The following PDGFRL variants were observed in gnomAD, a reference collection of about 807,000 sequenced individuals.
PDGFRL encodes platelet-derived growth factor receptor-like protein.
A neutral mutation model predicts 37.2 loss-of-function variants in PDGFRL; 46 were observed. The observed-to-expected ratio is 1.24, with a 90% CI of 0.98 to 1.58. The LOEUF is 1.58. Ranked by LOEUF, PDGFRL falls within the 40% of genes most tolerant of loss-of-function variation. The probability of loss-of-function intolerance (pLI) is 0.00; values close to 1 mark genes in which losing one functional copy is unlikely to be tolerated. For missense variants in PDGFRL, 692 were observed against 467.6 expected (o/e 1.48, Z -4.43); for synonymous variants, 251 against 184.3 (o/e 1.36, Z -2.93).
upstream of PDGFRL, chr8:17,576,654 A>G (rs2150803634): frequency 1.1e-6 from 1 of 948,406 alleles, no homozygotes. Flanking sequence ...TTATTCCTGT[A>G]ATGAACCCGT....
intron 4 of PDGFRL, 69 bp from the exon 5 acceptor site, chr8:17,634,005 T>A (rs559958273): frequency 2.1e-6 from 3 of 1,433,450 alleles, no homozygotes. Context: ...TGGAAAAGAA[T>A]GCATCTGTAG....
intron 2 of PDGFRL, among the ~76,000 whole-genome samples, chr8:17,604,250 G>A (rs1585312281): frequency 6.6e-6 from 1 of 152,122 alleles, no homozygotes; most frequent in Non-Finnish European, 1.5e-5. Flanking sequence ...TACCCAAAGA[G>A]TTATAAATCA....
chr8:17,609,269 G>T (rs1804352304), intron 2 of PDGFRL, among the ~76,000 whole-genome samples: 1 of 151,946 alleles, frequency 6.6e-6, no homozygotes, highest in Non-Finnish European at 1.5e-5. Context: ...CACTTTGGGT[G>T]GCTGAGGCTG....
At position 17,590,905 on chromosome 8, in the gene PDGFRL, C is replaced by CGT. The variant is rs1180803026; in HGVS notation, c.353+1141_353+1142insTG. ...TATTATTAATTTTTTTTTTTTGAGA[C>CGT]GGAGTCTCGCTCTGTCCCACAGGTT... On this transcript the variant is annotated intron_variant, in intron 2 of 5. Coordinates refer to ENST00000251630, the MANE Select transcript of PDGFRL (RefSeq NM_001372073.1). Among the ~76,000 whole-genome samples the CGT allele has an allele frequency of 1.5e-4, 4 of 27,072 alleles. No individual in the cohort carries two copies. The East Asian group carries it at 6.5e-3, about 44-fold the overall frequency. 17.8% of individuals were successfully genotyped at this position (27,072 alleles called of 152,430 possible). A position where few individuals can be genotyped will look rare whatever the true frequency, so the allele number is the denominator to read the frequency against.
chr8:17,617,410 T>C (rs116073396), intron 2 of PDGFRL, among the ~76,000 whole-genome samples: 5,564 of 152,208 alleles, frequency 0.037, 186 homozygotes, highest in South Asian at 0.1. Flanking sequence ...GTTCAGCGGT[T>C]ACACAGAAAG....
upstream of PDGFRL, chr8:17,576,772 T>TG (rs1220183539): frequency 2.7e-6 from 2 of 737,338 alleles, no homozygotes; most frequent in Non-Finnish European, 3.3e-6. Context: ...TGAGTGCATG[T>TG]GGGGGAGAGA....
intron 1 of PDGFRL, among the ~76,000 whole-genome samples, chr8:17,577,734 C>T (rs1167971573): frequency 6.6e-6 from 1 of 151,642 alleles, no homozygotes; most frequent in Non-Finnish European, 1.5e-5. Flanking sequence ...TCGGCAATCG[C>T]TGATTCGGTT....
At chr8:17,624,447 A>G (rs1169035499) in intron 3 of PDGFRL, among the ~76,000 whole-genome samples, 1 of 152,208 alleles carries the variant, frequency 6.6e-6, no homozygotes, top group East Asian at 1.9e-4. Context: ...ACATATGTAA[A>G]GAAAAACATT....
intron 2 of PDGFRL, among the ~76,000 whole-genome samples, chr8:17,596,036 C>G (rs1289359738): frequency 3.3e-5 from 5 of 152,198 alleles, no homozygotes. Flanking sequence ...GGTGGGGCCT[C>G]CACAGACTCC....
intron 2 of PDGFRL, among the ~76,000 whole-genome samples, chr8:17,606,467 A>G (rs567695121): frequency 6.6e-6 from 1 of 152,268 alleles, no homozygotes; most frequent in East Asian, 1.9e-4. Context: ...CCACCCCCAA[A>G]CTCTAATACT....
chr8:17,639,789 GTTCT>G (rs1269838097), intron 5 of PDGFRL, among the ~76,000 whole-genome samples: 1 of 152,168 alleles, frequency 6.6e-6, no homozygotes, highest in East Asian at 1.9e-4. Context: ...TTTCTCAGGT[GTTCT>G]TTGAGCTTCT....
intron 5 of PDGFRL, among the ~76,000 whole-genome samples, chr8:17,637,969 AT>A (rs1805006355): frequency 4.6e-5 from 7 of 151,972 alleles, no homozygotes; most frequent in Admixed American, 6.6e-5. Flanking sequence ...AATTTTGTTA[AT>A]AGTCTATCAG....
chr8:17,639,250 C>T (rs547727914), intron 5 of PDGFRL, among the ~76,000 whole-genome samples: 1 of 152,164 alleles, frequency 6.6e-6, no homozygotes, highest in Non-Finnish European at 1.5e-5. Flanking sequence ...GCATTTAGGC[C>T]ATTTACATTC....
At chr8:17,597,271 T>C (rs1217760481) in intron 2 of PDGFRL, among the ~76,000 whole-genome samples, 1 of 152,248 alleles carries the variant, frequency 6.6e-6, no homozygotes, top group Non-Finnish European at 1.5e-5. Context: ...TCCGTCCACC[T>C]TGGCCTCTCA....
intron 1 of PDGFRL, among the ~76,000 whole-genome samples, chr8:17,585,940 TG>T (rs1339949213): frequency 6.6e-6 from 1 of 151,122 alleles, no homozygotes; most frequent in Admixed American, 6.6e-5. Flanking sequence ...ATAAGGGTTT[TG>T]GGGTTTTTGT....
chr8:17,640,544 T>G (rs745809205), intron 5 of PDGFRL, among the ~76,000 whole-genome samples: 7 of 152,108 alleles, frequency 4.6e-5, no homozygotes, highest in Non-Finnish European at 8.8e-5. Flanking sequence ...TGATTGTTAT[T>G]TCTCTTCTGT....
At chr8:17,587,441 T>C (rs945055310) in intron 1 of PDGFRL, among the ~76,000 whole-genome samples, 2 of 152,176 alleles carry the variant, frequency 1.3e-5, no homozygotes, top group Non-Finnish European at 2.9e-5. Flanking sequence ...ATACACAGAA[T>C]ACCAAATTAG....
rs781434598 is a variant in PDGFRL at position 17,589,588 on chromosome 8, A to C, written c.176A>C (p.Asn59Thr). The C allele has an allele frequency of 6.2e-7, 1 of 1,614,068 alleles. No homozygotes were observed. The highest frequency in any genetic ancestry group is 1.7e-5 in the Admixed American group (1 of 60,026). Residue 59 changes from asparagine to threonine, a missense_variant, in exon 2 of 6, where the codon AAT becomes ACT. Physicochemically the swap from Asn to Thr is moderately conservative, Grantham distance 65. Coordinates refer to ENST00000251630, the MANE Select transcript of PDGFRL (RefSeq NM_001372073.1). ...IPKMKDRDSANSAPKTQSIMM... is the reference protein window; with the variant it reads ...IPKMKDRDSATSAPKTQSIMM... ...AAAATGAAGGACAGGGACTCAGCCAATTCAGCACCAAAGACGCAGTCTATC... is the reference window on the plus strand; with the variant it reads ...AAAATGAAGGACAGGGACTCAGCCACTTCAGCACCAAAGACGCAGTCTATC...
At position 17,589,596 on chromosome 8, in the gene PDGFRL, C is replaced by G. The variant is rs761803349; in HGVS notation, c.184C>G (p.Pro62Ala). Residue 62 changes from proline (P) to alanine (A), a missense_variant, in exon 2 of 6, where the codon CCA becomes GCA. Coordinates refer to ENST00000251630, the MANE Select transcript of PDGFRL (RefSeq NM_001372073.1). Reference protein sequence around the residue: ...MKDRDSANSAPKTQSIMMQVL... With the variant: ...MKDRDSANSAAKTQSIMMQVL... Reference sequence around the variant, plus strand: ...GGACAGGGACTCAGCCAATTCAGCACCAAAGACGCAGTCTATCATGATGCA... The same window carrying G: ...GGACAGGGACTCAGCCAATTCAGCAGCAAAGACGCAGTCTATCATGATGCA... The G allele has an allele frequency of 1.9e-6, 3 of 1,613,960 alleles. No homozygotes were observed. The highest frequency in any genetic ancestry group is 1.1e-5 in the South Asian group (1 of 91,058).
Sources: allele counts gnomAD v4.1 joint callset (sites outside exome capture counted in the v4.1 genomes callset), GRCh38; gene constraint gnomAD v4.1.1; transcripts MANE v1.5; gene names NCBI Gene and HGNC (gene_info 2026-07-23, HGNC 2026-07-21).